YPEL1: variants seen among roughly 807,000 people sequenced by gnomAD.
The protein encoded by YPEL1 is protein yippee-like 1.
YPEL1 carries 7 observed loss-of-function variants against 17.3 expected under a neutral mutation model. The ratio of observed to expected loss-of-function variants is 0.40; its 90% CI spans 0.23 to 0.76. The LOEUF is 0.76. YPEL1 is among the 30% of genes least tolerant of loss of function. The probability of loss-of-function intolerance (pLI) is 0.35; values close to 1 mark genes in which losing one functional copy is unlikely to be tolerated. For missense variants in YPEL1, 91 were observed against 155.5 expected (o/e 0.59, Z 2.21); for synonymous variants, 59 against 59.6 (o/e 0.99, Z 0.05).
At chr22:21,717,153 G>A (rs542775739) in intron 1 of YPEL1, among the ~76,000 whole-genome samples, 20 of 150,922 alleles carry the variant, frequency 1.3e-4, no homozygotes, top group East Asian at 1.9e-4. Flanking sequence ...GGCGGGGGGC[G>A]GATCACAAGG....
intron 1 of YPEL1, among the ~76,000 whole-genome samples, chr22:21,711,955 C>T (rs560386000): frequency 1.3e-5 from 2 of 152,196 alleles, no homozygotes; most frequent in South Asian, 4.1e-4. Flanking sequence ...GGGTGGACCA[C>T]TTGAGCCCAG....
In YPEL1 at chr22:21,703,188, C is replaced by G. The variant is rs2068082149; in HGVS notation, c.270+182G>C. On this transcript the variant is annotated intron_variant, in intron 4 of 4. Coordinates refer to ENST00000339468, the MANE Select transcript of YPEL1 (RefSeq NM_013313.5). This position sits in a 1 kb window ranked among gnomAD's most constrained non-coding sequence, Gnocchi z 6.1. ...GGTTGGGGTATCACTGTCACCCAGG[C>G]TGGAGGGCAGTGGTGAGACCATGCC... Among the ~76,000 whole-genome samples the G allele has an allele frequency of 1.3e-5, 2 of 152,150 alleles. No homozygotes were observed. The highest frequency in any genetic ancestry group is 6.5e-5 in the Admixed American group (1 of 15,276).
At position 21,705,270 on chromosome 22, in the gene YPEL1, C is replaced by T. The variant is rs139877475; in HGVS notation, c.118-1388G>A. Among the ~76,000 whole-genome samples, 475 of 152,320 alleles carry T rather than the reference C, an allele frequency of 3.1e-3. 3 individuals carry two copies. The highest frequency in any genetic ancestry group is 0.011 in the African/African-American group (455 of 41,560). Reference sequence around the variant, plus strand: ...ACGGGATTGCAGGCGTGAGCCACTGCGCCTGGCTTACATTACAGTTTATAA... The same window carrying T: ...ACGGGATTGCAGGCGTGAGCCACTGTGCCTGGCTTACATTACAGTTTATAA... On this transcript the variant is annotated intron_variant, in intron 2 of 4. Coordinates refer to ENST00000339468, the MANE Select transcript of YPEL1 (RefSeq NM_013313.5).
At position 21,703,317 on chromosome 22, in the gene YPEL1, G is replaced by T; in HGVS notation, c.270+53C>A. The T allele has an allele frequency of 6.5e-7, 1 of 1,527,164 alleles. No individual in the cohort carries two copies. Among genetic ancestry groups the T allele is most frequent in the Non-Finnish European group, 9.0e-7 (1 of 1,105,224 alleles). 94.6% of individuals were successfully genotyped at this position (1,527,164 alleles called of 1,614,324 possible). On this transcript the variant is annotated intron_variant, in intron 4 of 4. Coordinates refer to ENST00000339468, the MANE Select transcript of YPEL1 (RefSeq NM_013313.5). The surrounding 1 kb of genome is among the most constrained non-coding windows in gnomAD (Gnocchi z 6.1). ...CTGCACGGGGAGGTGTGGCTCAGTG[G>T]CAACTTAGTGCCACATCCCCTTGTG...
intron 1 of YPEL1, among the ~76,000 whole-genome samples, chr22:21,734,640 T>G (rs901004865): frequency 6.6e-6 from 1 of 152,130 alleles, no homozygotes; most frequent in Non-Finnish European, 1.5e-5. Context: ...GCCACTACCA[T>G]TGCCTCGCAA....
rs531427324 is a variant in YPEL1, at chr22:21,700,994, G to C, written c.*135C>G. ...ACCTTACCCACAGAGATGGCCGAGA[G>C]TGTCAAGAGCTATGCGCAGCTAGCC... On this transcript the variant is annotated 3_prime_UTR_variant, in exon 5 of 5. Coordinates refer to ENST00000339468, the MANE Select transcript of YPEL1 (RefSeq NM_013313.5). The C allele has an allele frequency of 3.0e-5, 20 of 666,640 alleles. No individual in the cohort carries two copies. The East Asian group carries it at 5.4e-4, about 18-fold the overall frequency. 41.3% of individuals were successfully genotyped at this position (666,640 alleles called of 1,614,324 possible).
intron 1 of YPEL1, among the ~76,000 whole-genome samples, chr22:21,723,763 T>G (rs2068306005): frequency 1.3e-5 from 2 of 151,920 alleles, no homozygotes; most frequent in African/African-American, 2.4e-5. Context: ...CCTCCCAGGT[T>G]CAAACGATTC....
chr22:21,711,799 T>C (rs538889432), intron 1 of YPEL1, among the ~76,000 whole-genome samples: 1 of 152,242 alleles, frequency 6.6e-6, no homozygotes, highest in East Asian at 1.9e-4. Flanking sequence ...TTCATGACAT[T>C]GGATGTGGCA....
At chr22:21,715,426 G>A (rs1415165271) in intron 1 of YPEL1, among the ~76,000 whole-genome samples, 9 of 151,616 alleles carry the variant, frequency 5.9e-5, no homozygotes, top group Admixed American at 2.0e-4. Context: ...CCCGGGAGGC[G>A]GAGGCTGCAG....
chr22:21,705,457 A>G (rs1327563025), intron 2 of YPEL1, among the ~76,000 whole-genome samples: 1 of 152,256 alleles, frequency 6.6e-6, no homozygotes, highest in Non-Finnish European at 1.5e-5. Context: ...ATTTCTGTAT[A>G]AAACAAAGAT....
At chr22:21,705,833 T>TA (rs1399634970) in intron 2 of YPEL1, among the ~76,000 whole-genome samples, 1 of 151,518 alleles carries the variant, frequency 6.6e-6, no homozygotes, top group African/African-American at 2.4e-5. Context: ...AACCTGCCTC[T>TA]AAAAAACATA....
intron 2 of YPEL1, among the ~76,000 whole-genome samples, chr22:21,704,293 G>T (rs1358204352): frequency 6.6e-6 from 1 of 152,204 alleles, no homozygotes; most frequent in Non-Finnish European, 1.5e-5. Context: ...CAGCAGTTCA[G>T]ATGTGCTCAC....
intron 2 of YPEL1, among the ~76,000 whole-genome samples, chr22:21,706,258 G>A (rs2068114673): frequency 2.0e-5 from 3 of 150,542 alleles, no homozygotes; most frequent in Admixed American, 2.0e-4. Context: ...GTGAAACCCC[G>A]TCCCTACTAA....
intron 4 of YPEL1, among the ~76,000 whole-genome samples, chr22:21,702,983 C>T (rs1019711498): frequency 6.6e-6 from 1 of 152,158 alleles, no homozygotes; most frequent in Non-Finnish European, 1.5e-5. Flanking sequence ...GCAGGTCTGG[C>T]GCTGAGGTCT....
Position 21,703,335 on chromosome 22 carries a change from C to T in YPEL1, c.270+35G>A, listed in dbSNP as rs753916989. The T allele has an allele frequency of 1.3e-5, 20 of 1,580,446 alleles. No homozygotes were observed. In the South Asian group the frequency reaches 2.2e-4, roughly 17 times the overall value. On this transcript the variant is annotated intron_variant, in intron 4 of 4. Coordinates refer to ENST00000339468, the MANE Select transcript of YPEL1 (RefSeq NM_013313.5). The surrounding 1 kb of genome is among the most constrained non-coding windows in gnomAD (Gnocchi z 6.1). ...CTCAGTGGCAACTTAGTGCCACATCCCCTTGTGGCACGAGCATCCCCTTGT... is the reference window on the plus strand; with the variant it reads ...CTCAGTGGCAACTTAGTGCCACATCTCCTTGTGGCACGAGCATCCCCTTGT...
At chr22:21,704,227 T>G in intron 2 of YPEL1, 2 of 713,806 alleles carry the variant, frequency 2.8e-6, no homozygotes, top group Non-Finnish European at 2.6e-6. Flanking sequence ...CACGAATGAT[T>G]TTCTCTACCC....
intron 1 of YPEL1, among the ~76,000 whole-genome samples, chr22:21,730,785 A>G (rs1177018383): frequency 6.6e-6 from 1 of 152,154 alleles, no homozygotes; most frequent in East Asian, 1.9e-4. Context: ...ACAAAGCTCC[A>G]TGGCCCTCTG....
At chr22:21,716,884 G>A (rs970085499) in intron 1 of YPEL1, among the ~76,000 whole-genome samples, 3 of 152,174 alleles carry the variant, frequency 2.0e-5, no homozygotes, top group Admixed American at 6.6e-5. Flanking sequence ...CTGTACTCAC[G>A]GAGGGAACCG....
In YPEL1 at chr22:21,710,954, G is replaced by A. The variant is rs572510459; in HGVS notation, c.-164-46C>T. 4.2e-4 allele frequency: 247 copies of A among 587,066 alleles called. 2 individuals carry two copies. The East Asian group carries it at 7.0e-3, about 17-fold the overall frequency. The allele number at this position is 587,066 out of a possible 1,614,324, so 36.4% of individuals were successfully genotyped here. On this transcript the variant is annotated intron_variant, in intron 1 of 4. Transcript: ENST00000339468. Reference sequence around the variant, plus strand: ...GTGGTGGGTTACAGAGAGAACATGCGTGTGAAGCAGGTACATATGGGATTC... The same window carrying A: ...GTGGTGGGTTACAGAGAGAACATGCATGTGAAGCAGGTACATATGGGATTC...
Sources: allele counts gnomAD v4.1 joint callset (sites outside exome capture counted in the v4.1 genomes callset), GRCh38; gene constraint gnomAD v4.1.1; non-coding constraint Gnocchi (gnomAD v3.1); transcripts MANE v1.5; gene names NCBI Gene and HGNC (gene_info 2026-07-23, HGNC 2026-07-21).